Variants in DLGAP2 observed in about 807,000 individuals in gnomAD.
The protein encoded by DLGAP2 is disks large-associated protein 2.
A neutral mutation model predicts 100.3 loss-of-function variants in DLGAP2; 26 were observed. That is an observed-to-expected ratio of 0.26 (90% CI 0.19 to 0.36). The LOEUF (loss-of-function observed/expected upper bound fraction) is 0.36. Among genes scored for constraint, DLGAP2 ranks in the 10% least tolerant of loss-of-function variants. The pLI is 1.00. For missense variants in DLGAP2, 1,858 were observed against 1,453.2 expected, an observed-to-expected ratio of 1.28 and a Z score of -4.53; for synonymous variants, 886 against 630.1, an observed-to-expected ratio of 1.41 and a Z score of -6.08.
At chr8:1,655,409 G>C (rs1432524331) in intron 8 of DLGAP2, among the ~76,000 whole-genome samples, 1 of 152,192 alleles carries the variant, frequency 6.6e-6, no homozygotes, top group East Asian at 1.9e-4. Flanking sequence ...AGAGTGCAAT[G>C]AATGCAAGTG....
intron 8 of DLGAP2, among the ~76,000 whole-genome samples, chr8:1,640,671 G>A (rs899319876): frequency 6.6e-6 from 1 of 152,084 alleles, no homozygotes; most frequent in Non-Finnish European, 1.5e-5. Flanking sequence ...TCAGAGGCTT[G>A]TACCCGGGAC....
intron 1 of DLGAP2, among the ~76,000 whole-genome samples, chr8:869,704 C>G (rs1192490039): frequency 6.6e-6 from 1 of 152,180 alleles, no homozygotes; most frequent in Non-Finnish European, 1.5e-5. Context: ...TTGGAACATT[C>G]GGGGATCAGG....
chr8:1,603,608 G>GCAGAGGCTGGTTAGAGTGGAGGCTA (rs1162301184), intron 6 of DLGAP2, among the ~76,000 whole-genome samples: 5 of 152,206 alleles, frequency 3.3e-5, no homozygotes, highest in African/African-American at 1.2e-4. Flanking sequence ...AGTGGAGGCT[G>GCAGAGGCTGGTTAGAGTGGAGGCTA]GGTCTCAGTT....
At chr8:765,371 C>T (rs1354291762) in intron 1 of DLGAP2, among the ~76,000 whole-genome samples, 1 of 151,980 alleles carries the variant, frequency 6.6e-6, no homozygotes, top group Non-Finnish European at 1.5e-5. Flanking sequence ...ATCCTTAAAC[C>T]TGTTATGCGG....
chr8:1,575,563 T>C (rs55715292), intron 6 of DLGAP2, among the ~76,000 whole-genome samples: 336 of 147,012 alleles, frequency 2.3e-3, no homozygotes, highest in Non-Finnish European at 3.8e-3. Context: ...TGGTGTGCTG[T>C]ACCCATTAAC....
At chr8:998,488 A>G (rs1187890188) in intron 2 of DLGAP2, among the ~76,000 whole-genome samples, 1 of 146,896 alleles carries the variant, frequency 6.8e-6, no homozygotes, top group African/African-American at 2.5e-5. Context: ...TTTTTTCTAG[A>G]GATAGGATCT....
intron 6 of DLGAP2, among the ~76,000 whole-genome samples, chr8:1,581,681 A>C (rs917143649): frequency 6.6e-6 from 1 of 151,026 alleles, no homozygotes; most frequent in Non-Finnish European, 1.5e-5. Context: ...TACAGACAAA[A>C]CTCCACACAT....
chr8:990,264 G>A (rs1378920649), intron 2 of DLGAP2, among the ~76,000 whole-genome samples: 1 of 151,896 alleles, frequency 6.6e-6, no homozygotes. Context: ...CAAGTCCTGC[G>A]CTGCATGGGA....
chr8:1,549,330 A>C lies in DLGAP2; in HGVS notation c.877A>C (p.Met293Leu), dbSNP rs368229038. The change falls in exon 5 of 15, where the codon ATG becomes CTG. Residue 293 changes from methionine to leucine, a missense_variant. Physicochemically the swap from Met to Leu is conservative, Grantham distance 15 (BLOSUM62 2). Coordinates refer to ENST00000637795, the MANE Select transcript of DLGAP2 (RefSeq NM_001346810.2). ...RKPEGKPRPG[M>L]SSWWSSDDNL... ...GCCGGAGGGCAAGCCCCGGCCCGGCATGAGCAGCTGGTGGAGCTCGGACGA... is the reference window on the plus strand; with the variant it reads ...GCCGGAGGGCAAGCCCCGGCCCGGCCTGAGCAGCTGGTGGAGCTCGGACGA... 6.2e-7 allele frequency: 1 copy of C among 1,613,268 alleles called. No homozygotes were observed. The highest frequency in any genetic ancestry group is 8.5e-7 in the Non-Finnish European group (1 of 1,179,724).
intron 3 of DLGAP2, among the ~76,000 whole-genome samples, chr8:1,265,797 T>G (rs1265202731): frequency 6.6e-6 from 1 of 152,076 alleles, no homozygotes; most frequent in African/African-American, 2.4e-5. Flanking sequence ...TCTGAGACAA[T>G]AAAGAGAGTG....
At chr8:1,203,941 A>T (rs17669161) in intron 2 of DLGAP2, among the ~76,000 whole-genome samples, 1 of 152,060 alleles carries the variant, frequency 6.6e-6, no homozygotes, top group Non-Finnish European at 1.5e-5. Context: ...GGGTGTGTGC[A>T]TGTCAAGTGT....
At chr8:1,675,317 C>T (rs1022994172) in intron 10 of DLGAP2, among the ~76,000 whole-genome samples, 1 of 152,234 alleles carries the variant, frequency 6.6e-6, no homozygotes, top group South Asian at 2.1e-4. Context: ...CCAACCAGGG[C>T]GCGCTCCTGA....
At chr8:1,309,821 G>A (rs530910433) in intron 3 of DLGAP2, among the ~76,000 whole-genome samples, 13 of 152,358 alleles carry the variant, frequency 8.5e-5, no homozygotes, top group South Asian at 2.1e-4. Context: ...CAGGCCGGGC[G>A]CCGTGGCTGA....
intron 3 of DLGAP2, among the ~76,000 whole-genome samples, chr8:1,330,277 G>A (rs1422359069): frequency 1.3e-5 from 2 of 151,574 alleles, no homozygotes; most frequent in Admixed American, 1.3e-4. Context: ...TTCTGGGTGG[G>A]ACTGAGTTCT....
rs915993835 is a variant in DLGAP2, at chr8:1,529,852, G to A, written c.173-18774G>A. Among the ~76,000 whole-genome samples the A allele has an allele frequency of 4.0e-4, 61 of 152,266 alleles. 1 individual carries two copies. In the Middle Eastern group the frequency reaches 0.01, roughly 25 times the overall value. On this transcript the variant is annotated intron_variant, in intron 4 of 14. Coordinates refer to ENST00000637795, the MANE Select transcript of DLGAP2 (RefSeq NM_001346810.2). ...GGCATCCGGGGAGACATCACATGTC[G>A]GTACGTTCCATGATGCCCCACAAGC...
chr8:1,440,941 A>G (rs1375594416), intron 3 of DLGAP2, among the ~76,000 whole-genome samples: 1 of 152,212 alleles, frequency 6.6e-6, no homozygotes, highest in African/African-American at 2.4e-5. Flanking sequence ...ATAAAAACAA[A>G]TTTAATGCAA....
chr8:1,023,702 C>T (rs1303023505), intron 2 of DLGAP2, among the ~76,000 whole-genome samples: 5 of 152,082 alleles, frequency 3.3e-5, no homozygotes, highest in Non-Finnish European at 5.9e-5. Flanking sequence ...TTTTCCCCAT[C>T]GCAGCCCAGC....
chr8:1,583,738 C>G (rs1796024888), intron 6 of DLGAP2, among the ~76,000 whole-genome samples: 1 of 152,126 alleles, frequency 6.6e-6, no homozygotes, highest in Non-Finnish European at 1.5e-5. Flanking sequence ...GCCACCAGCT[C>G]CAAGTCCTGC....
intron 1 of DLGAP2, among the ~76,000 whole-genome samples, chr8:769,890 A>G (rs542124435): frequency 6.6e-6 from 1 of 152,284 alleles, no homozygotes; most frequent in East Asian, 1.9e-4. Context: ...AGCCATGAAA[A>G]TGGACCACGG....
Sources: allele counts gnomAD v4.1 joint callset (sites outside exome capture counted in the v4.1 genomes callset), GRCh38; gene constraint gnomAD v4.1.1; transcripts MANE v1.5; gene names NCBI Gene and HGNC (gene_info 2026-07-23, HGNC 2026-07-21).